Variants in RARB observed in about 807,000 individuals in gnomAD.
The protein encoded by RARB is HBV-activated protein.
A neutral mutation model predicts 51.9 loss-of-function variants in RARB; 17 were observed. That is an observed-to-expected ratio of 0.33 (90% CI 0.22 to 0.49). RARB has a LOEUF of 0.49. RARB is among the 20% of genes least tolerant of loss of function. The pLI, the probability that RARB is intolerant of heterozygous loss-of-function variation, is 0.99. For synonymous variants in RARB, 215 were observed against 195.4 expected, an observed-to-expected ratio of 1.10 and a Z score of -0.84; for missense variants, 369 against 550.8, an observed-to-expected ratio of 0.67 and a Z score of 3.30.
At chr3:25,288,983 A>T (rs1318951590) in intron 5 of RARB, among the ~76,000 whole-genome samples, 1 of 152,220 alleles carries the variant, frequency 6.6e-6, no homozygotes, top group Non-Finnish European at 1.5e-5. Context: ...TTTCTGGAAC[A>T]GTACTCCCAT....
intron 4 of RARB, among the ~76,000 whole-genome samples, chr3:25,161,523 G>T (rs1162590428): frequency 6.6e-6 from 1 of 152,048 alleles, no homozygotes; most frequent in African/African-American, 2.4e-5. Context: ...ATGTAGAATT[G>T]TAAATTAACG....
chr3:25,350,361 G>T (rs903534892), intron 5 of RARB, among the ~76,000 whole-genome samples: 2 of 152,188 alleles, frequency 1.3e-5, no homozygotes, highest in African/African-American at 2.4e-5. Flanking sequence ...AACAGAGGCA[G>T]GTTGTTAATC....
At chr3:25,239,482 G>T (rs1024853755) in intron 5 of RARB, among the ~76,000 whole-genome samples, 13 of 152,080 alleles carry the variant, frequency 8.5e-5, no homozygotes, top group Non-Finnish European at 1.6e-4. Context: ...TTTTCAATTT[G>T]ATGAGAGATA....
chr3:24,902,377 C>G (rs1473436498), intron 2 of RARB, among the ~76,000 whole-genome samples: 1 of 152,146 alleles, frequency 6.6e-6, no homozygotes, highest in Non-Finnish European at 1.5e-5. Flanking sequence ...AGAGTGATTT[C>G]ACATCCATCC....
At chr3:25,097,511 G>A (rs1372749051) in intron 3 of RARB, among the ~76,000 whole-genome samples, 1 of 152,150 alleles carries the variant, frequency 6.6e-6, no homozygotes, top group Non-Finnish European at 1.5e-5. Context: ...AGGTGCAGTG[G>A]TGCATGCCTA....
chr3:25,255,991 T>C (rs900165024), intron 5 of RARB, among the ~76,000 whole-genome samples: 4 of 152,168 alleles, frequency 2.6e-5, no homozygotes, highest in African/African-American at 9.7e-5. Flanking sequence ...ACTATGATTA[T>C]TTGTAACCAT....
chr3:24,991,785 C>A (rs1696917686), intron 2 of RARB, among the ~76,000 whole-genome samples: 1 of 151,292 alleles, frequency 6.6e-6, no homozygotes, highest in Admixed American at 6.6e-5. Context: ...CCTCCCTGCT[C>A]CCCTTAACCT....
At chr3:24,848,158 C>G (rs1219634630) in intron 1 of RARB, among the ~76,000 whole-genome samples, 1 of 152,212 alleles carries the variant, frequency 6.6e-6, no homozygotes, top group African/African-American at 2.4e-5. Flanking sequence ...CTCCTGAGCT[C>G]AAAGGATCCT....
intron 5 of RARB, among the ~76,000 whole-genome samples, chr3:25,233,658 G>A (rs2125391731): frequency 6.6e-6 from 1 of 152,082 alleles, no homozygotes; most frequent in Non-Finnish European, 1.5e-5. Context: ...CCTTTAGCAT[G>A]AAACCCATAT....
At chr3:25,109,618 A>G (rs1027256483) in intron 3 of RARB, among the ~76,000 whole-genome samples, 3 of 152,076 alleles carry the variant, frequency 2.0e-5, no homozygotes, top group African/African-American at 7.2e-5. Context: ...TGACCCCAAA[A>G]CTCTGCAACC....
At chr3:25,155,547 T>C (rs555609228) in intron 4 of RARB, among the ~76,000 whole-genome samples, 2 of 152,360 alleles carry the variant, frequency 1.3e-5, no homozygotes, top group East Asian at 1.9e-4. Context: ...AATATTACTC[T>C]AACTCACTAA....
chr3:25,078,846 A>T (rs370052437), intron 3 of RARB, among the ~76,000 whole-genome samples: 2 of 151,984 alleles, frequency 1.3e-5, no homozygotes, highest in Non-Finnish European at 1.5e-5. Flanking sequence ...TTGTATTTCT[A>T]TTGTATTATT....
At chr3:24,873,272 C>G (rs1248970618) in intron 2 of RARB, among the ~76,000 whole-genome samples, 2 of 152,130 alleles carry the variant, frequency 1.3e-5, no homozygotes, top group African/African-American at 4.8e-5. Context: ...TGTGAACATA[C>G]TTTTTCTTCC....
At chr3:25,189,553 C>A (rs989760341) in intron 5 of RARB, among the ~76,000 whole-genome samples, 1 of 152,086 alleles carries the variant, frequency 6.6e-6, no homozygotes. Flanking sequence ...GGAAGATGTA[C>A]AGCAGCATGT....
chr3:25,383,186 GA>G (rs1575359257), intron 5 of RARB, among the ~76,000 whole-genome samples: 1 of 152,202 alleles, frequency 6.6e-6, no homozygotes, highest in East Asian at 1.9e-4. Flanking sequence ...CTGAGGTTCG[GA>G]GAGATTGTAG....
At chr3:25,361,723 C>T (rs1705941598) in intron 5 of RARB, among the ~76,000 whole-genome samples, 1 of 152,208 alleles carries the variant, frequency 6.6e-6, no homozygotes, top group Non-Finnish European at 1.5e-5. Context: ...AGTTTTCTTT[C>T]TACCAGTCGG....
chr3:24,981,361 A>T (rs573375586), intron 2 of RARB, among the ~76,000 whole-genome samples: 1 of 152,248 alleles, frequency 6.6e-6, no homozygotes, highest in South Asian at 2.1e-4. Context: ...TTGTTTAGTT[A>T]TGCCCTGACC....
chr3:25,052,811 C>T (rs1229145158), intron 2 of RARB, among the ~76,000 whole-genome samples: 1 of 151,740 alleles, frequency 6.6e-6, no homozygotes, highest in Non-Finnish European at 1.5e-5. Flanking sequence ...ACGTATGTGA[C>T]TTCTTGGGTA....
chr3:25,228,009 C>T (rs866196525), intron 5 of RARB, among the ~76,000 whole-genome samples: 3 of 152,104 alleles, frequency 2.0e-5, no homozygotes, highest in African/African-American at 7.2e-5. Flanking sequence ...AGTTTGAGGC[C>T]AGCCTGAGTT....
Sources: allele counts gnomAD v4.1 joint callset (sites outside exome capture counted in the v4.1 genomes callset), GRCh38; gene constraint gnomAD v4.1.1; transcripts MANE v1.5; gene names NCBI Gene and HGNC (gene_info 2026-07-23, HGNC 2026-07-21).